C1orf21: variants seen among roughly 807,000 people sequenced by gnomAD.
The protein encoded by C1orf21 is chromosome 1 open reading frame 21, also known as uncharacterized protein C1orf21.
C1orf21 carries 3 observed loss-of-function variants against 18.7 expected under a neutral mutation model. The observed-to-expected ratio is 0.16, with a 90% confidence interval of 0.07 to 0.42. C1orf21 has a LOEUF of 0.42. Ranked by LOEUF, C1orf21 falls within the 10% of genes least tolerant of loss-of-function variation. C1orf21 has a pLI of 0.99. For missense variants in C1orf21, 104 were observed against 143.6 expected (o/e 0.72, Z 1.41); for synonymous variants, 41 against 46.4 (o/e 0.88, Z 0.47).
At chr1:184,517,362 A>G (rs1658246565) in intron 3 of C1orf21, among the ~76,000 whole-genome samples, 1 of 152,176 alleles carries the variant, frequency 6.6e-6, no homozygotes, top group African/African-American at 2.4e-5. Flanking sequence ...TTCTGTGTAA[A>G]GGTTGTTCCT....
chr1:184,395,775 G>C (rs1409253467), intron 1 of C1orf21, among the ~76,000 whole-genome samples: 2 of 152,088 alleles, frequency 1.3e-5, no homozygotes, highest in Non-Finnish European at 2.9e-5. Context: ...ACTCTCAAAA[G>C]GATCTCAGTT....
intron 3 of C1orf21, among the ~76,000 whole-genome samples, chr1:184,560,334 A>G (rs533547430): frequency 1.3e-5 from 2 of 152,344 alleles, no homozygotes; most frequent in South Asian, 4.1e-4. Flanking sequence ...TCTAGAAACC[A>G]AAGAAAAGGC....
intron 3 of C1orf21, among the ~76,000 whole-genome samples, chr1:184,514,122 C>T (rs950529016): frequency 1.3e-5 from 2 of 152,154 alleles, no homozygotes; most frequent in South Asian, 4.1e-4. Flanking sequence ...CATAGCGAGA[C>T]TCTGTCTCTA....
intron 2 of C1orf21, among the ~76,000 whole-genome samples, chr1:184,505,822 A>G (rs1017411250): frequency 2.6e-5 from 4 of 152,230 alleles, no homozygotes; most frequent in African/African-American, 9.6e-5. Flanking sequence ...CAGGATTTAT[A>G]AATATTAATG....
intron 2 of C1orf21, among the ~76,000 whole-genome samples, chr1:184,498,989 A>G (rs915731245): frequency 6.6e-6 from 1 of 152,194 alleles, no homozygotes; most frequent in Non-Finnish European, 1.5e-5. Flanking sequence ...GTTCCACTTC[A>G]TAAAGCTGTT....
chr1:184,442,443 T>G lies in C1orf21; in HGVS notation c.-124-34943T>G, dbSNP rs75416252. On this transcript the variant is annotated intron_variant, in intron 1 of 5. Transcript: ENST00000235307. The stretch of plus-strand genomic sequence containing the variant: ...GATAAAGATTACGTGAAAAGTGACG[T>G]CTGTAAAATGTCCAGCTCTAATTGA... Among the ~76,000 whole-genome samples, 960 of 152,306 alleles carry G rather than the reference T, an allele frequency of 6.3e-3. 9 individuals carry two copies. Among genetic ancestry groups the G allele is most frequent in the African/African-American group, 0.021 (869 of 41,558 alleles).
intron 3 of C1orf21, among the ~76,000 whole-genome samples, chr1:184,534,176 T>C (rs1273570825): frequency 1.3e-5 from 2 of 152,224 alleles, no homozygotes. Context: ...TTACAGTCAC[T>C]AGCTCATTGG....
chr1:184,448,020 C>T (rs1426111182), intron 1 of C1orf21, among the ~76,000 whole-genome samples: 1 of 152,154 alleles, frequency 6.6e-6, no homozygotes, highest in East Asian at 1.9e-4. Flanking sequence ...AGCTCACCAT[C>T]CCTTACCACC....
chr1:184,532,589 TA>T (rs1291489689), intron 3 of C1orf21, among the ~76,000 whole-genome samples: 2 of 151,758 alleles, frequency 1.3e-5, no homozygotes, highest in East Asian at 1.9e-4. Context: ...TACTAAAAAT[TA>T]AAAAAAATTA....
chr1:184,586,018 T>A (rs1455340171), intron 3 of C1orf21, among the ~76,000 whole-genome samples: 2 of 152,176 alleles, frequency 1.3e-5, no homozygotes, highest in African/African-American at 4.8e-5. Context: ...GGTAGTTCTA[T>A]TTTTAGATCT....
intron 5 of C1orf21, among the ~76,000 whole-genome samples, chr1:184,607,321 T>C (rs1384105549): frequency 6.6e-6 from 1 of 152,214 alleles, no homozygotes; most frequent in African/African-American, 2.4e-5. Flanking sequence ...ATGGGCCGGA[T>C]GATTCCCAGG....
At chr1:184,411,746 C>CA (rs1176541735) in intron 1 of C1orf21, among the ~76,000 whole-genome samples, 1 of 152,156 alleles carries the variant, frequency 6.6e-6, no homozygotes, top group Non-Finnish European at 1.5e-5. Flanking sequence ...CTTAAGAAGC[C>CA]ATATATAAGA....
intron 3 of C1orf21, among the ~76,000 whole-genome samples, chr1:184,581,180 A>G (rs1269934426): frequency 6.6e-6 from 1 of 152,212 alleles, no homozygotes; most frequent in Non-Finnish European, 1.5e-5. Context: ...TAATCCCAGC[A>G]CTTTTTGAGG....
intron 3 of C1orf21, among the ~76,000 whole-genome samples, chr1:184,586,139 A>G (rs1048445283): frequency 3.3e-5 from 5 of 152,306 alleles, no homozygotes; most frequent in Admixed American, 3.3e-4. Context: ...ACTTTTTAAT[A>G]GCCATTCTGA....
intron 1 of C1orf21, among the ~76,000 whole-genome samples, chr1:184,454,260 T>C (rs74577259): frequency 0.019 from 2,929 of 152,318 alleles, 90 homozygotes; most frequent in African/African-American, 0.067. Flanking sequence ...TTATTTTGTA[T>C]GGATAATCGC....
At chr1:184,409,807 C>T (rs1465383388) in intron 1 of C1orf21, among the ~76,000 whole-genome samples, 2 of 152,202 alleles carry the variant, frequency 1.3e-5, no homozygotes, top group Admixed American at 1.3e-4. Context: ...ACTATGCCTT[C>T]AGTTGGCTTT....
In C1orf21 at chr1:184,512,522, A is replaced by T. The variant is rs562874351; in HGVS notation, c.189+4840A>T. On this transcript the variant is annotated intron_variant, in intron 3 of 5. Transcript: ENST00000235307. Reference sequence around the variant, plus strand: ...TCATTTATGTACTCACAATATGAAGATGTTCATTATCCCAGTTTTCATCAC... The same window carrying T: ...TCATTTATGTACTCACAATATGAAGTTGTTCATTATCCCAGTTTTCATCAC... Among the ~76,000 whole-genome samples, 20 of 152,320 alleles carry T rather than the reference A, an allele frequency of 1.3e-4. No individual in the cohort carries two copies. The South Asian group carries it at 3.9e-3, about 30-fold the overall frequency.
chr1:184,567,856 A>T (rs1256368154), intron 3 of C1orf21: 1 of 215,664 alleles, frequency 4.6e-6, no homozygotes, highest in East Asian at 1.4e-4. Context: ...ACCACAAGGA[A>T]TGAACCACAC....
chr1:184,550,661 A>C (rs1440615555), intron 3 of C1orf21, among the ~76,000 whole-genome samples: 1 of 152,092 alleles, frequency 6.6e-6, no homozygotes, highest in Non-Finnish European at 1.5e-5. Context: ...CAGCCTCCTG[A>C]GTAGCTGGGA....
Sources: gnomAD v4.1 joint callset for allele counts (sites outside exome capture counted in the v4.1 genomes callset) on GRCh38, gnomAD v4.1.1 for gene constraint, MANE v1.5 for transcripts, NCBI Gene and HGNC (gene_info 2026-07-23, HGNC 2026-07-21) for gene names.